The following TENM4 variants were observed in gnomAD, a reference collection of about 807,000 sequenced individuals.
TENM4 encodes the protein teneurin transmembrane protein 4.
In TENM4, 82 loss-of-function variants were observed where a neutral mutation model predicts 243.3. That is an observed-to-expected ratio of 0.34 (90% CI 0.28 to 0.40). The LOEUF (loss-of-function observed/expected upper bound fraction) is 0.40. Ranked by LOEUF, TENM4 falls within the 10% of genes least tolerant of loss-of-function variation. The pLI is 1.00. For missense variants in TENM4, 3,138 were observed against 3,673.3 expected, an observed-to-expected ratio of 0.85 and a Z score of 3.77; for synonymous variants, 1,412 against 1,456.3, an observed-to-expected ratio of 0.97 and a Z score of 0.69.
chr11:79,039,347 GC>G (rs776644363), intron 6 of TENM4, among the ~76,000 whole-genome samples: 16 of 152,190 alleles, frequency 1.1e-4, no homozygotes, highest in Non-Finnish European at 2.4e-4. Context: ...ACAAATCCCA[GC>G]CCCACACTTG....
intron 33 of TENM4, among the ~76,000 whole-genome samples, chr11:78,660,242 G>A (rs1857996154): frequency 6.6e-6 from 1 of 152,188 alleles, no homozygotes; most frequent in African/African-American, 2.4e-5. Flanking sequence ...GCAGACTTGG[G>A]TTCTCCATTG....
intron 6 of TENM4, chr11:78,924,814 A>T (rs1007922139): frequency 4.6e-5 from 7 of 152,218 alleles, no homozygotes; most frequent in African/African-American, 1.7e-4. Context: ...GCAATGTATC[A>T]CTATACTAAT....
At chr11:78,737,990 G>C (rs1855837614) in intron 20 of TENM4, among the ~76,000 whole-genome samples, 1 of 152,176 alleles carries the variant, frequency 6.6e-6, no homozygotes, top group Non-Finnish European at 1.5e-5. Flanking sequence ...GGGAGAGCTA[G>C]GGCCATTAAG....
chr11:79,151,417 AG>A (rs567584137), intron 3 of TENM4, among the ~76,000 whole-genome samples: 121 of 152,322 alleles, frequency 7.9e-4, no homozygotes, highest in African/African-American at 2.7e-3. Flanking sequence ...ATCCAGACAA[AG>A]GAATTGTTCC....
At chr11:78,661,990 G>A (rs7925744) in intron 32 of TENM4, among the ~76,000 whole-genome samples, 6 of 152,208 alleles carry the variant, frequency 3.9e-5, no homozygotes, top group African/African-American at 1.4e-4. Context: ...AGATTTTAAT[G>A]ATTGACTTGC....
At chr11:79,376,623 G>GATGAATGA (rs5792850) in intron 1 of TENM4, among the ~76,000 whole-genome samples, 10 of 151,896 alleles carry the variant, frequency 6.6e-5, no homozygotes, top group East Asian at 3.9e-4. Flanking sequence ...ATAACTTTTC[G>GATGAATGA]ATGAATGAAT....
At chr11:78,775,923 G>A (rs1360492430) in intron 17 of TENM4, among the ~76,000 whole-genome samples, 2 of 152,210 alleles carry the variant, frequency 1.3e-5, no homozygotes, top group Non-Finnish European at 2.9e-5. Context: ...CACCAGGTAT[G>A]ATTAGAAGAC....
intron 14 of TENM4, among the ~76,000 whole-genome samples, chr11:78,808,421 A>T (rs1857434174): frequency 6.6e-6 from 1 of 152,218 alleles, no homozygotes; most frequent in Non-Finnish European, 1.5e-5. Context: ...TTTCATGGAC[A>T]TTATCTCATT....
At chr11:78,719,725 G>A (rs1001123202) in intron 25 of TENM4, among the ~76,000 whole-genome samples, 1 of 152,248 alleles carries the variant, frequency 6.6e-6, no homozygotes, top group Non-Finnish European at 1.5e-5. Flanking sequence ...CATAGTGACA[G>A]GTGATGCTGA....
chr11:79,115,273 C>A (rs1861594504), intron 4 of TENM4, among the ~76,000 whole-genome samples: 1 of 152,124 alleles, frequency 6.6e-6, no homozygotes, highest in African/African-American at 2.4e-5. Context: ...AAATAAGAAG[C>A]AACCTGCCCA....
intron 4 of TENM4, among the ~76,000 whole-genome samples, chr11:79,131,288 G>A (rs1287978271): frequency 6.6e-6 from 1 of 152,144 alleles, no homozygotes; most frequent in Non-Finnish European, 1.5e-5. Context: ...AGAAACACGA[G>A]GTAACCTATA....
chr11:79,326,305 C>T (rs997846953), intron 1 of TENM4, among the ~76,000 whole-genome samples: 1 of 152,146 alleles, frequency 6.6e-6, no homozygotes, highest in African/African-American at 2.4e-5. Flanking sequence ...CCCAGCCCTG[C>T]CAGGCCACCC....
intron 6 of TENM4, among the ~76,000 whole-genome samples, chr11:78,941,355 C>A (rs1174560299): frequency 1.3e-5 from 2 of 152,158 alleles, no homozygotes; most frequent in Non-Finnish European, 2.9e-5. Context: ...TGTGAAGGCA[C>A]CAGGTGTGTT....
chr11:78,798,602 C>T (rs953770080), intron 15 of TENM4, among the ~76,000 whole-genome samples: 11 of 152,126 alleles, frequency 7.2e-5, no homozygotes, highest in Admixed American at 3.3e-4. Flanking sequence ...CAGCGGGCTC[C>T]GAGGTTTGGA....
Position 78,962,855 on chromosome 11 carries a change from G to C in TENM4, c.494-59332C>G, listed in dbSNP as rs537972551. On this transcript the variant is annotated intron_variant, in intron 6 of 33. Coordinates refer to ENST00000278550, the MANE Select transcript of TENM4 (RefSeq NM_001098816.3). ...CTGCCTGGAACAGGCCCTAGGCCTC[G>C]TAAAAAGGTAGAGAGAGCTGGAGAG... Among the ~76,000 whole-genome samples the C allele has an allele frequency of 3.3e-5, 5 of 152,350 alleles. No homozygotes were observed. In the South Asian group the frequency reaches 1.0e-3, roughly 32 times the overall value.
chr11:78,911,359 T>C (rs970929985), intron 6 of TENM4, among the ~76,000 whole-genome samples: 2 of 152,180 alleles, frequency 1.3e-5, no homozygotes, highest in African/African-American at 4.8e-5. Flanking sequence ...CATCCTTAGT[T>C]CCAGACCATT....
At position 78,669,823 on chromosome 11, in the gene TENM4, C is replaced by T; in HGVS notation, c.6522G>A (p.Gly2174=). 2 of 1,613,916 alleles carry T rather than the reference C, an allele frequency of 1.2e-6. No individual in the cohort carries two copies. Among genetic ancestry groups the T allele is most frequent in the Non-Finnish European group, 1.7e-6 (2 of 1,179,852 alleles). The change falls in exon 32 of 34, where the codon GGG becomes GGA. Residue 2174 remains glycine (G), a synonymous_variant. Transcript: ENST00000278550. This position sits in a 1 kb window ranked among gnomAD's most constrained non-coding sequence, Gnocchi z 6.4. ...CCTTCAGCTCCTTCTTCACTACTCG[C>T]CCCATGTTATCATACTGGACGGTCA... The part of the protein sequence containing the change: ...YWMTVQYDNM[G]RVVKKELKVG...
At chr11:78,785,791 G>A (rs1185209394) in intron 16 of TENM4, among the ~76,000 whole-genome samples, 1 of 152,064 alleles carries the variant, frequency 6.6e-6, no homozygotes, top group East Asian at 1.9e-4. Flanking sequence ...AATGAAGACT[G>A]AAAAAACCCT....
intron 6 of TENM4, 50 bp from the exon 7 acceptor site, chr11:78,903,573 C>T (rs1388195115): frequency 2.0e-6 from 3 of 1,538,148 alleles, no homozygotes; most frequent in East Asian, 2.4e-5. Flanking sequence ...TGCTGCCCCT[C>T]GGCTGGAAAA....
Sources: allele counts gnomAD v4.1 joint callset (sites outside exome capture counted in the v4.1 genomes callset), GRCh38; gene constraint gnomAD v4.1.1; non-coding constraint Gnocchi (gnomAD v3.1); transcripts MANE v1.5; gene names NCBI Gene and HGNC (gene_info 2026-07-23, HGNC 2026-07-21).